Variants in RALYL observed in about 807,000 individuals in gnomAD.
The protein encoded by RALYL is RNA-binding Raly-like protein.
In RALYL, 29 loss-of-function variants were observed where a neutral mutation model predicts 35.1. That is an observed-to-expected ratio of 0.83 (90% CI 0.61 to 1.13). RALYL has a LOEUF of 1.13. Ranked by LOEUF, RALYL falls within the 50% of genes most tolerant of loss-of-function variation. RALYL has a pLI of 0.00. For synonymous variants in RALYL, 120 were observed against 127.6 expected, an observed-to-expected ratio of 0.94 and a Z score of 0.40; for missense variants, 359 against 360.4, an observed-to-expected ratio of 1.00 and a Z score of 0.03.
intron 2 of RALYL, among the ~76,000 whole-genome samples, chr8:84,713,211 A>G (rs534435381): frequency 1.3e-5 from 2 of 152,172 alleles, no homozygotes; most frequent in South Asian, 2.1e-4. Context: ...TGAAGAGACT[A>G]TACTTTCCCT....
intron 2 of RALYL, among the ~76,000 whole-genome samples, chr8:84,617,108 G>GT (rs1393969098): frequency 4.7e-5 from 7 of 150,228 alleles, no homozygotes; most frequent in Non-Finnish European, 8.8e-5. Context: ...CTTTAAAGTA[G>GT]TTTTTTCCAA....
intron 1 of RALYL, among the ~76,000 whole-genome samples, chr8:84,306,032 C>T (rs553974122): frequency 9.2e-5 from 14 of 152,072 alleles, no homozygotes; most frequent in East Asian, 1.9e-4. Context: ...GGCATGGTGG[C>T]GGGCACCTGT....
intron 4 of RALYL, among the ~76,000 whole-genome samples, chr8:84,843,637 C>G (rs1833924593): frequency 6.6e-6 from 1 of 151,178 alleles, no homozygotes; most frequent in Admixed American, 6.6e-5. Flanking sequence ...CATATGGAAC[C>G]AAAAAAGAGC....
intron 7 of RALYL, among the ~76,000 whole-genome samples, chr8:84,874,812 G>A (rs1349786130): frequency 6.6e-6 from 1 of 152,152 alleles, no homozygotes; most frequent in Non-Finnish European, 1.5e-5. Context: ...GAACAAAGTG[G>A]CATATGTAAA....
At chr8:84,731,427 AGCATACATATTGATTAT>A (rs1399041455) in intron 2 of RALYL, among the ~76,000 whole-genome samples, 1 of 152,170 alleles carries the variant, frequency 6.6e-6, no homozygotes, top group Non-Finnish European at 1.5e-5. Context: ...ACAGAGAGGC[AGCATACATATTGATTAT>A]GCAAGCAGTA....
At chr8:84,904,462 ATAATG>A (rs1846161028) in intron 8 of RALYL, among the ~76,000 whole-genome samples, 1 of 152,222 alleles carries the variant, frequency 6.6e-6, no homozygotes, top group Admixed American at 6.5e-5. Flanking sequence ...ATTTGAGCAA[ATAATG>A]TAAATATAAG....
At chr8:84,815,030 G>T (rs1826856886) in intron 4 of RALYL, among the ~76,000 whole-genome samples, 1 of 152,182 alleles carries the variant, frequency 6.6e-6, no homozygotes, top group African/African-American at 2.4e-5. Flanking sequence ...ATACACACAT[G>T]CACAGGTTGT....
chr8:84,616,618 T>C (rs1819742244), intron 2 of RALYL, among the ~76,000 whole-genome samples: 1 of 151,272 alleles, frequency 6.6e-6, no homozygotes, highest in African/African-American at 2.4e-5. Context: ...TTGTCAATTT[T>C]GGCTTTTGTT....
chr8:84,614,793 ATTTTCT>A (rs1444553507), intron 2 of RALYL, among the ~76,000 whole-genome samples: 3 of 94,012 alleles, frequency 3.2e-5, no homozygotes, highest in Non-Finnish European at 6.7e-5. Context: ...TTTTTTTTTC[ATTTTCT>A]TTGTTTGGAA....
At chr8:84,697,236 T>C (rs1276103802) in intron 2 of RALYL, among the ~76,000 whole-genome samples, 1 of 152,064 alleles carries the variant, frequency 6.6e-6, no homozygotes, top group Non-Finnish European at 1.5e-5. Context: ...TAAATTGAAA[T>C]TGATATTTTT....
intron 2 of RALYL, among the ~76,000 whole-genome samples, chr8:84,756,050 CA>C (rs1260869832): frequency 6.6e-6 from 1 of 152,030 alleles, no homozygotes; most frequent in African/African-American, 2.4e-5. Context: ...AGGCAACCTA[CA>C]TTTTTTTGAA....
chr8:84,376,666 C>A (rs1203308377), intron 1 of RALYL, among the ~76,000 whole-genome samples: 3 of 151,826 alleles, frequency 2.0e-5, no homozygotes, highest in Admixed American at 2.0e-4. Flanking sequence ...GTAGTCAAAT[C>A]AGAGGAGAAA....
intron 4 of RALYL, among the ~76,000 whole-genome samples, chr8:84,842,194 A>C (rs1416670209): frequency 6.6e-6 from 1 of 152,140 alleles, no homozygotes; most frequent in African/African-American, 2.4e-5. Flanking sequence ...TTTTTTGAAA[A>C]GATCAACAAA....
At chr8:84,252,786 A>T (rs554346607) in intron 1 of RALYL, among the ~76,000 whole-genome samples, 1 of 152,256 alleles carries the variant, frequency 6.6e-6, no homozygotes, top group East Asian at 1.9e-4. Flanking sequence ...GTTTTTAATT[A>T]AGTTGATGTA....
At chr8:84,610,088 T>C (rs1167759868) in intron 2 of RALYL, among the ~76,000 whole-genome samples, 1 of 152,110 alleles carries the variant, frequency 6.6e-6, no homozygotes, top group Non-Finnish European at 1.5e-5. Flanking sequence ...CAATTCAAGA[T>C]GAGATTTGGG....
At chr8:84,280,170 T>C (rs1836259384) in intron 1 of RALYL, among the ~76,000 whole-genome samples, 1 of 152,168 alleles carries the variant, frequency 6.6e-6, no homozygotes, top group Non-Finnish European at 1.5e-5. Context: ...TCCATGTGAC[T>C]ATACCATTAA....
intron 2 of RALYL, among the ~76,000 whole-genome samples, chr8:84,653,051 T>G (rs904236187): frequency 6.6e-6 from 1 of 152,054 alleles, no homozygotes; most frequent in Non-Finnish European, 1.5e-5. Flanking sequence ...TACCAGTTAG[T>G]CCAATGCTAA....
At chr8:84,750,632 A>G (rs142364344) in intron 2 of RALYL, among the ~76,000 whole-genome samples, 2,212 of 152,288 alleles carry the variant, frequency 0.015, 27 homozygotes, top group Middle Eastern at 0.058. Flanking sequence ...TTATGAATGG[A>G]CTAATTTATT....
chr8:84,685,720 T>A (rs540898863), intron 2 of RALYL, among the ~76,000 whole-genome samples: 1 of 152,134 alleles, frequency 6.6e-6, no homozygotes, highest in African/African-American at 2.4e-5. Flanking sequence ...CATTCAAAAA[T>A]TTTGTCACTG....
Sources: gnomAD v4.1 joint callset for allele counts (sites outside exome capture counted in the v4.1 genomes callset) on GRCh38, gnomAD v4.1.1 for gene constraint, MANE v1.5 for transcripts, NCBI Gene and HGNC (gene_info 2026-07-23, HGNC 2026-07-21) for gene names.